IQGAP1: variants seen among roughly 807,000 people sequenced by gnomAD.
IQGAP1 encodes the protein ras GTPase-activating-like protein IQGAP1.
Under a neutral mutation model 215.6 loss-of-function variants are expected in IQGAP1, and 66 were observed. The ratio of observed to expected loss-of-function variants is 0.31; its 90% CI spans 0.25 to 0.38. The LOEUF is 0.38. Among genes scored for constraint, IQGAP1 ranks in the 10% least tolerant of loss-of-function variants. The pLI, the probability that IQGAP1 is intolerant of heterozygous loss-of-function variation, is 1.00. For synonymous variants in IQGAP1, 772 were observed against 728.7 expected (o/e 1.06, Z -0.96); for missense variants, 1,712 against 1,997.1 (o/e 0.86, Z 2.72).
At chr15:90,418,089 A>C (rs1457761402) in intron 2 of IQGAP1, among the ~76,000 whole-genome samples, 1 of 152,184 alleles carries the variant, frequency 6.6e-6, no homozygotes, top group African/African-American at 2.4e-5. Context: ...AACTGTTACC[A>C]GAGAGTAATT....
chr15:90,449,326 T>A (rs571641842), intron 10 of IQGAP1, among the ~76,000 whole-genome samples: 2 of 152,298 alleles, frequency 1.3e-5, no homozygotes, highest in East Asian at 3.9e-4. Context: ...TTTTGAGGCT[T>A]TTCATGTAAT....
At chr15:90,482,395 A>ATT in intron 28 of IQGAP1, 114 bp downstream of exon 28, 1 of 933,536 alleles carries the variant, frequency 1.1e-6, no homozygotes, top group Non-Finnish European at 1.7e-6. Context: ...GTAGCTTACC[A>ATT]TTGATTGTGA....
chr15:90,468,296 C>T (rs1965859515), intron 18 of IQGAP1, among the ~76,000 whole-genome samples: 1 of 152,106 alleles, frequency 6.6e-6, no homozygotes, highest in South Asian at 2.1e-4. Flanking sequence ...AACTCCTGGC[C>T]TCAAGTGGTC....
At position 90,474,090 on chromosome 15, in the gene IQGAP1, T is replaced by A. The variant is rs779488940; in HGVS notation, c.2532T>A (p.Ala844=). The A allele has an allele frequency of 1.9e-6, 3 of 1,613,328 alleles. No individual in the cohort carries two copies. The highest frequency in any genetic ancestry group is 2.5e-6 in the Non-Finnish European group (3 of 1,179,624). ...DHINDIIKIQ[A]FIRANKARDD... Reference sequence around the variant, plus strand: ...TAAATGACATTATCAAAATCCAGGCTTTTATTCGGGCAAACAAAGCTCGGG... The same window carrying A: ...TAAATGACATTATCAAAATCCAGGCATTTATTCGGGCAAACAAAGCTCGGG... Residue 844 remains alanine (A), a synonymous_variant, in exon 22 of 38, where the codon GCT becomes GCA. Transcript: ENST00000268182.
At chr15:90,495,965 C>T (rs964320338) in intron 36 of IQGAP1, among the ~76,000 whole-genome samples, 1 of 150,264 alleles carries the variant, frequency 6.7e-6, no homozygotes, top group Non-Finnish European at 1.5e-5. Flanking sequence ...TATTATAGGT[C>T]ATTATCTTCC....
intron 35 of IQGAP1, chr15:90,494,028 T>C (rs571567154): frequency 1.3e-5 from 2 of 152,378 alleles, no homozygotes; most frequent in East Asian, 1.9e-4. Flanking sequence ...CATTTTTTTT[T>C]AATGCTGCAT....
chr15:90,476,630 C>T, intron 23 of IQGAP1, 33 bp from the exon 24 acceptor site: 3 of 1,514,696 alleles, frequency 2.0e-6, no homozygotes, highest in South Asian at 2.6e-5. Context: ...TCTTTGAAAG[C>T]TTTCTGATCT....
At chr15:90,460,181 A>C (rs1404591847) in intron 15 of IQGAP1, among the ~76,000 whole-genome samples, 3 of 152,192 alleles carry the variant, frequency 2.0e-5, no homozygotes, top group Non-Finnish European at 4.4e-5. Flanking sequence ...AAGGAATAAA[A>C]GAATGGCTTC....
intron 2 of IQGAP1, among the ~76,000 whole-genome samples, chr15:90,422,303 A>G (rs945906369): frequency 2.6e-5 from 4 of 152,158 alleles, no homozygotes; most frequent in Admixed American, 6.5e-5. Flanking sequence ...CAAATAGATT[A>G]TTAGCCTCTG....
intron 9 of IQGAP1, 100 bp downstream of exon 9, chr15:90,443,578 T>G (rs945758905): frequency 1.5e-6 from 1 of 669,312 alleles, no homozygotes; most frequent in African/African-American, 1.8e-5. Context: ...TTACTTACTT[T>G]AGACATTCGT....
intron 37 of IQGAP1, among the ~76,000 whole-genome samples, chr15:90,498,047 C>T (rs1296011683): frequency 2.0e-5 from 3 of 151,608 alleles, no homozygotes; most frequent in Non-Finnish European, 4.4e-5. Flanking sequence ...GCCCTCCCTC[C>T]CCTCCCCTGC....
chr15:90,474,620 A>T lies in IQGAP1; in HGVS notation c.2711A>T (p.Gln904Leu). 1 of 1,614,036 alleles carries T rather than the reference A, an allele frequency of 6.2e-7. No homozygotes were observed. Residue 904 changes from glutamine to leucine, a missense_variant, in exon 23 of 38, where the codon CAG becomes CTG. Gln to Leu is a moderately radical substitution (Grantham distance 113, BLOSUM62 -2). Transcript: ENST00000268182. ...EEVITLIRSN[Q>L]QLENDLNLMD... ...GTTATCACCCTCATTCGTTCTAACCAGCAGCTGGAGAATGACCTCAATCTC... is the reference window on the plus strand; with the variant it reads ...GTTATCACCCTCATTCGTTCTAACCTGCAGCTGGAGAATGACCTCAATCTC...
intron 2 of IQGAP1, among the ~76,000 whole-genome samples, chr15:90,408,764 C>T (rs1402667792): frequency 6.6e-6 from 1 of 152,124 alleles, no homozygotes; most frequent in Non-Finnish European, 1.5e-5. Context: ...TTTACCCCAT[C>T]TCATTTAACA....
chr15:90,501,124 T>C lies in IQGAP1; in HGVS notation c.*1016T>C, dbSNP rs183040375. The C allele has an allele frequency of 2.7e-5, 4 of 149,906 alleles. No individual in the cohort carries two copies. The highest frequency in any genetic ancestry group is 6.7e-5 in the Admixed American group (1 of 14,848). The allele number at this position is 149,906 out of a possible 1,614,324, so 9.3% of individuals were successfully genotyped here. A position where few individuals can be genotyped will look rare whatever the true frequency, so the allele number is the denominator to read the frequency against. ...TGTATATCTGAACTCTTGAAACTTA[T>C]AGCTAAAACACTAGGATTTATCTGC... is the stretch of plus-strand genomic sequence containing the variant. On this transcript the variant is annotated 3_prime_UTR_variant, in exon 38 of 38. Coordinates refer to ENST00000268182, the MANE Select transcript of IQGAP1 (RefSeq NM_003870.4).
chr15:90,464,486 G>GT (rs1194039331), intron 15 of IQGAP1, among the ~76,000 whole-genome samples: 5 of 152,172 alleles, frequency 3.3e-5, no homozygotes, highest in African/African-American at 1.2e-4. Flanking sequence ...CTCAGTAACA[G>GT]TAGTGACTAC....
chr15:90,412,180 A>G (rs978536328), intron 2 of IQGAP1, among the ~76,000 whole-genome samples: 2 of 152,224 alleles, frequency 1.3e-5, no homozygotes, highest in African/African-American at 4.8e-5. Context: ...GAAGTTAAAT[A>G]TATAACTTGA....
At chr15:90,483,628 G>T (rs774765646) in intron 29 of IQGAP1, 35 bp downstream of exon 29, 2 of 1,433,296 alleles carry the variant, frequency 1.4e-6, no homozygotes, top group South Asian at 2.3e-5. Flanking sequence ...AAGAGAGTCT[G>T]TGGATGTATT....
chr15:90,412,832 C>G (rs1964986758), intron 2 of IQGAP1, among the ~76,000 whole-genome samples: 1 of 152,126 alleles, frequency 6.6e-6, no homozygotes, highest in Non-Finnish European at 1.5e-5. Flanking sequence ...AGGAGCTGTT[C>G]CTGGAGGAAC....
intron 18 of IQGAP1, among the ~76,000 whole-genome samples, chr15:90,468,612 C>T (rs73485123): frequency 0.023 from 3,452 of 152,214 alleles, 95 homozygotes; most frequent in East Asian, 0.11. Flanking sequence ...AAAAAGACTG[C>T]TTGAGCCCAG....
Sources: gnomAD v4.1 joint callset for allele counts (sites outside exome capture counted in the v4.1 genomes callset) on GRCh38, gnomAD v4.1.1 for gene constraint, MANE v1.5 for transcripts, NCBI Gene and HGNC (gene_info 2026-07-23, HGNC 2026-07-21) for gene names.